CACNA2D3: variants seen among roughly 807,000 people sequenced by gnomAD.
The protein encoded by CACNA2D3 is voltage-dependent calcium channel subunit alpha-2/delta-3.
CACNA2D3 carries 60 observed loss-of-function variants against 160.6 expected under a neutral mutation model. The ratio of observed to expected loss-of-function variants is 0.37; its 90% CI spans 0.30 to 0.46. The LOEUF (loss-of-function observed/expected upper bound fraction) is 0.46. Ranked by LOEUF, CACNA2D3 falls within the 20% of genes least tolerant of loss-of-function variation. CACNA2D3 has a pLI of 1.00. For synonymous variants in CACNA2D3, 558 were observed against 492.9 expected, an observed-to-expected ratio of 1.13 and a Z score of -1.75; for missense variants, 1,205 against 1,365.0, an observed-to-expected ratio of 0.88 and a Z score of 1.85.
chr3:54,328,854 T>C (rs1020402036), intron 3 of CACNA2D3, among the ~76,000 whole-genome samples: 5 of 152,202 alleles, frequency 3.3e-5, no homozygotes, highest in African/African-American at 1.2e-4. Context: ...AGGGACAGGC[T>C]AACTAGCACT....
intron 27 of CACNA2D3, among the ~76,000 whole-genome samples, chr3:54,950,063 A>G (rs747752489): frequency 6.6e-6 from 1 of 152,218 alleles, no homozygotes; most frequent in Non-Finnish European, 1.5e-5. Flanking sequence ...TTTCAGGGCC[A>G]TGCTAAGTGG....
chr3:54,186,179 A>G (rs977573931), intron 2 of CACNA2D3, among the ~76,000 whole-genome samples: 2 of 152,106 alleles, frequency 1.3e-5, no homozygotes, highest in African/African-American at 4.8e-5. Context: ...AGTTGCAGAC[A>G]CTCACTGTGA....
chr3:54,547,754 G>A (rs1012245933), intron 5 of CACNA2D3, among the ~76,000 whole-genome samples: 3 of 144,008 alleles, frequency 2.1e-5, no homozygotes, highest in Non-Finnish European at 4.5e-5. Context: ...GCACAAGCAT[G>A]GCTCACTGCA....
At chr3:54,536,824 A>G (rs994342500) in intron 5 of CACNA2D3, among the ~76,000 whole-genome samples, 7 of 152,132 alleles carry the variant, frequency 4.6e-5, no homozygotes, top group East Asian at 1.9e-4. Context: ...TTCTCTTGCT[A>G]TTATTAGAGC....
chr3:54,478,339 G>A (rs957502624), intron 4 of CACNA2D3, among the ~76,000 whole-genome samples: 2 of 152,036 alleles, frequency 1.3e-5, no homozygotes, highest in African/African-American at 4.8e-5. Flanking sequence ...TAATTCATAA[G>A]TTTAAAACTG....
At chr3:54,318,767 T>C (rs1471893126) in intron 2 of CACNA2D3, among the ~76,000 whole-genome samples, 4 of 148,456 alleles carry the variant, frequency 2.7e-5, no homozygotes, top group Non-Finnish European at 4.4e-5. Context: ...TAATCATAGC[T>C]CACTGCAGCC....
intron 4 of CACNA2D3, 45 bp from the exon 5 acceptor site, chr3:54,503,447 C>A (rs1321264782): frequency 6.3e-7 from 1 of 1,594,844 alleles, no homozygotes; most frequent in African/African-American, 1.3e-5. Flanking sequence ...GTTCACAGCC[C>A]TCTTCCCTAA....
intron 4 of CACNA2D3, among the ~76,000 whole-genome samples, chr3:54,444,368 C>T (rs928166995): frequency 6.6e-6 from 1 of 152,136 alleles, no homozygotes; most frequent in African/African-American, 2.4e-5. Flanking sequence ...GTTCTCCAGC[C>T]TTGTTGATTC....
chr3:54,807,362 AAAAC>A (rs553686462), intron 13 of CACNA2D3, among the ~76,000 whole-genome samples: 208 of 152,326 alleles, frequency 1.4e-3, no homozygotes, highest in African/African-American at 4.2e-3. Flanking sequence ...TTACAAGAAA[AAAAC>A]AAACAACCCC....
chr3:54,542,267 G>A (rs879630045), intron 5 of CACNA2D3, among the ~76,000 whole-genome samples: 1 of 151,972 alleles, frequency 6.6e-6, no homozygotes, highest in African/African-American at 2.4e-5. Context: ...TTACCATGTT[G>A]GCCAGGATGG....
intron 29 of CACNA2D3, among the ~76,000 whole-genome samples, chr3:54,978,093 G>T (rs1194740385): frequency 6.6e-6 from 1 of 152,074 alleles, no homozygotes; most frequent in Non-Finnish European, 1.5e-5. Flanking sequence ...CTTGGTTTTG[G>T]TGGTTTTAGC....
intron 2 of CACNA2D3, among the ~76,000 whole-genome samples, chr3:54,150,158 G>C (rs1175187564): frequency 6.6e-6 from 1 of 151,560 alleles, no homozygotes; most frequent in Non-Finnish European, 1.5e-5. Context: ...AACTTCTGGT[G>C]GTCTCTAGGG....
intron 3 of CACNA2D3, among the ~76,000 whole-genome samples, chr3:54,384,399 GT>G (rs1308370126): frequency 6.6e-6 from 1 of 152,086 alleles, no homozygotes; most frequent in Non-Finnish European, 1.5e-5. Context: ...TTCTAAATCT[GT>G]TACAAAGATT....
At chr3:55,009,312 G>T (rs1703161260) in intron 33 of CACNA2D3, 76 bp from the exon 34 acceptor site, 1 of 1,296,200 alleles carries the variant, frequency 7.7e-7, no homozygotes, top group African/African-American at 1.5e-5. Context: ...CGATGCCAAA[G>T]AATACAGAAA....
intron 2 of CACNA2D3, among the ~76,000 whole-genome samples, chr3:54,124,209 A>G (rs996392647): frequency 6.6e-6 from 1 of 152,246 alleles, no homozygotes; most frequent in Non-Finnish European, 1.5e-5. Flanking sequence ...GTCTGCATCC[A>G]TGTAATTCTG....
At chr3:54,760,220 G>A (rs1702056303) in intron 12 of CACNA2D3, among the ~76,000 whole-genome samples, 1 of 106,460 alleles carries the variant, frequency 9.4e-6, no homozygotes, top group South Asian at 4.2e-4. Context: ...CTTCAGACAG[G>A]AATGTCAGGG....
intron 2 of CACNA2D3, among the ~76,000 whole-genome samples, chr3:54,214,959 A>G (rs1162514039): frequency 6.6e-6 from 1 of 152,170 alleles, no homozygotes; most frequent in Admixed American, 6.5e-5. Flanking sequence ...ACAGTCTTGA[A>G]TAAAGCACAA....
chr3:54,360,639 T>G (rs1366821174), intron 3 of CACNA2D3, among the ~76,000 whole-genome samples: 1 of 152,198 alleles, frequency 6.6e-6, no homozygotes, highest in East Asian at 1.9e-4. Flanking sequence ...AGTTCTTGGC[T>G]CCTCTGTGCT....
chr3:54,661,841 TGTGTATGTGTGTGTG>T (rs1699978569), intron 11 of CACNA2D3, among the ~76,000 whole-genome samples: 1 of 17,892 alleles, frequency 5.6e-5, no homozygotes, highest in Non-Finnish European at 1.7e-4. Context: ...CTCAGGGATG[TGTGTATGTGTGTGTG>T]TGTGTGTGTG....
Sources: gnomAD v4.1 joint callset for allele counts (sites outside exome capture counted in the v4.1 genomes callset) on GRCh38, gnomAD v4.1.1 for gene constraint, MANE v1.5 for transcripts, NCBI Gene and HGNC (gene_info 2026-07-23, HGNC 2026-07-21) for gene names.